HECTD4: variants seen among roughly 807,000 people sequenced by gnomAD.
The protein encoded by HECTD4 is HECT domain E3 ubiquitin protein ligase 4.
Under a neutral mutation model 471.5 loss-of-function variants are expected in HECTD4, and 114 were observed. The observed-to-expected ratio is 0.24, with a 90% CI of 0.21 to 0.28. The LOEUF (loss-of-function observed/expected upper bound fraction) is 0.28. Ranked by LOEUF, HECTD4 falls within the 10% of genes least tolerant of loss-of-function variation. HECTD4 has a pLI of 1.00. For missense variants in HECTD4, 3,866 were observed against 5,651.5 expected (o/e 0.68, Z 10.13); for synonymous variants, 2,012 against 2,256.0 (o/e 0.89, Z 3.07).
intron 1 of HECTD4, among the ~76,000 whole-genome samples, chr12:112,339,973 C>T (rs994017870): frequency 2.0e-5 from 3 of 151,386 alleles, no homozygotes; most frequent in African/African-American, 7.3e-5. Context: ...CGTTTGAACC[C>T]GGGAGGCAAT....
chr12:112,176,878 C>A (rs2031469499), intron 64 of HECTD4, among the ~76,000 whole-genome samples, 176 bp from the exon 65 acceptor site: 1 of 152,164 alleles, frequency 6.6e-6, no homozygotes, highest in African/African-American at 2.4e-5. Context: ...GTTCACTGAG[C>A]AAATTACAAG....
In HECTD4 at chr12:112,167,386, G is replaced by A. The variant is rs1190940373; in HGVS notation, c.12465C>T (p.Pro4155=). The A allele has an allele frequency of 6.2e-7, 1 of 1,613,752 alleles. No individual in the cohort carries two copies. The highest frequency in any genetic ancestry group is 8.5e-7 in the Non-Finnish European group (1 of 1,179,874). The change falls in exon 72 of 76, where the codon CCC becomes CCT. Residue 4155 remains proline (P), a synonymous_variant. Coordinates refer to ENST00000682272, the MANE Select transcript of HECTD4 (RefSeq NM_001388303.1). ...CCTGCAGGTCTTGCTCAGGGTCCAA[G>A]GGCTCGCCCACCAGCGTCTTCCAGA... ...PSFWKTLVGE[P]LDPEQDLQEA...
chr12:112,275,675 T>A (rs540026358), intron 9 of HECTD4, among the ~76,000 whole-genome samples: 75 of 152,236 alleles, frequency 4.9e-4, no homozygotes, highest in Non-Finnish European at 9.4e-4. Context: ...TTCTTCCCCA[T>A]TTTCAAACAA....
In HECTD4 at chr12:112,243,749, C is replaced by T; in HGVS notation, c.4662G>A (p.Val1554=). ...TAAAGGAGCTGCTGCGGTGGCTGGT[C>T]ACGTGGCGACGCCTACGGGGAACAC... ...FTRANQRRRH[V]TSHRSSSFTL... The change falls in exon 31 of 76, where the codon GTG becomes GTA. Residue 1554 remains valine (V), a synonymous_variant. Transcript: ENST00000682272. The surrounding 1 kb of genome is among the most constrained non-coding windows in gnomAD (Gnocchi z 6.6). 6.2e-7 allele frequency: 1 copy of T among 1,613,468 alleles called. No individual in the cohort carries two copies. Among genetic ancestry groups the T allele is most frequent in the South Asian group, 1.1e-5 (1 of 90,994 alleles).
intron 1 of HECTD4, among the ~76,000 whole-genome samples, chr12:112,364,420 AAAAT>A (rs2036520204): frequency 1.3e-5 from 2 of 151,030 alleles, no homozygotes; most frequent in Admixed American, 1.3e-4. Context: ...AAAAAAAAAA[AAAAT>A]AAATAAATAA....
intron 1 of HECTD4, among the ~76,000 whole-genome samples, chr12:112,324,037 C>CTTTCTTTCTTT (rs1566112043): frequency 2.5e-4 from 5 of 20,112 alleles, no homozygotes; most frequent in Admixed American, 5.7e-4. Flanking sequence ...TTCCTTCCTT[C>CTTTCTTTCTTT]CTTCCTTCCT....
Position 112,193,206 on chromosome 12 carries a change from T to C in HECTD4, c.8956-15A>G. ...TCTGGTGCTGTCTGCAAAGAGACAC[T>C]GAATAAGGAAAGCCACGGGCTAAAC... On this transcript the variant is annotated splice_polypyrimidine_tract_variant and intron_variant, in intron 57 of 75. Transcript: ENST00000682272. This position sits in a 1 kb window ranked among gnomAD's most constrained non-coding sequence, Gnocchi z 5.2. 6.2e-7 allele frequency: 1 copy of C among 1,613,050 alleles called. No homozygotes were observed. The highest frequency in any genetic ancestry group is 8.5e-7 in the Non-Finnish European group (1 of 1,179,484).
Position 112,239,862 on chromosome 12 carries a change from A to G in HECTD4, c.5105+19T>C. The G allele has an allele frequency of 2.5e-6, 4 of 1,600,724 alleles. No individual in the cohort carries two copies. The highest frequency in any genetic ancestry group is 3.4e-6 in the Non-Finnish European group (4 of 1,171,458). ...CTGCAGGGTAACTTACATACAACAA[A>G]AGGCCTTTCCGTACTTACCTGGTGT... On this transcript the variant is annotated intron_variant, in intron 33 of 75. Coordinates refer to ENST00000682272, the MANE Select transcript of HECTD4 (RefSeq NM_001388303.1). The surrounding 1 kb of genome is among the most constrained non-coding windows in gnomAD (Gnocchi z 4.9).
At chr12:112,295,670 C>T (rs759278493) in intron 7 of HECTD4, among the ~76,000 whole-genome samples, 7 of 149,022 alleles carry the variant, frequency 4.7e-5, no homozygotes, top group Non-Finnish European at 7.4e-5. Context: ...CAGGGTCTGT[C>T]TCACTCCGCT....
intron 9 of HECTD4, among the ~76,000 whole-genome samples, chr12:112,276,047 G>A (rs778529135): frequency 9.2e-5 from 14 of 152,158 alleles, no homozygotes; most frequent in Admixed American, 7.2e-4. Flanking sequence ...TTCCAGCAGG[G>A]ATGCAGCATT....
intron 69 of HECTD4, 37 bp downstream of exon 69, chr12:112,170,296 C>T (rs767802788): frequency 2.5e-6 from 4 of 1,609,728 alleles, no homozygotes; most frequent in African/African-American, 1.3e-5. Context: ...TTAGGCACTG[C>T]CATTTTGCAT....
At chr12:112,247,154 G>T in intron 28 of HECTD4, 78 bp from the exon 29 acceptor site, 1 of 1,198,966 alleles carries the variant, frequency 8.3e-7, no homozygotes, top group Non-Finnish European at 1.2e-6. Flanking sequence ...TGTTTACAAA[G>T]AATAAGAGAA....
chr12:112,326,491 TCAAAAA>T (rs560709837), intron 1 of HECTD4, among the ~76,000 whole-genome samples: 82 of 152,186 alleles, frequency 5.4e-4, no homozygotes, highest in Middle Eastern at 6.8e-3. Context: ...AGACCCTGTC[TCAAAAA>T]CAAAAACAAA....
intron 62 of HECTD4, among the ~76,000 whole-genome samples, chr12:112,180,761 A>G (rs1351939239): frequency 1.3e-5 from 2 of 152,144 alleles, no homozygotes; most frequent in African/African-American, 4.8e-5. Context: ...AGCAGACCTG[A>G]CATCGACTTT....
At position 112,239,738 on chromosome 12, in the gene HECTD4, G is replaced by T. The variant is rs765747917; in HGVS notation, c.5105+143C>A. On this transcript the variant is annotated intron_variant, in intron 33 of 75. Transcript: ENST00000682272. This position sits in a 1 kb window ranked among gnomAD's most constrained non-coding sequence, Gnocchi z 4.9. ...TAAGAAATTTACATAGGAACCTTAA[G>T]TGTCTTTCAGGAGAAAAGTTTTGTA... The T allele has an allele frequency of 3.2e-6, 2 of 618,990 alleles. No homozygotes were observed. Among genetic ancestry groups the T allele is most frequent in the Non-Finnish European group, 5.2e-6 (2 of 385,214 alleles). The allele number at this position is 618,990 out of a possible 1,614,324, so 38.3% of individuals were successfully genotyped here.
chr12:112,355,525 C>T (rs2036320526), intron 1 of HECTD4, among the ~76,000 whole-genome samples: 1 of 151,412 alleles, frequency 6.6e-6, no homozygotes, highest in East Asian at 2.0e-4. Context: ...TTTGGGAGGC[C>T]GAAGTGGACA....
chr12:112,253,166 C>T (rs894321940), intron 22 of HECTD4, among the ~76,000 whole-genome samples: 1 of 151,406 alleles, frequency 6.6e-6, no homozygotes, highest in African/African-American at 2.4e-5. Flanking sequence ...GTTCTGTCAC[C>T]CAGACTGCAG....
At chr12:112,249,311 A>G (rs73423235) in intron 25 of HECTD4, among the ~76,000 whole-genome samples, 36,256 of 150,994 alleles carry the variant, frequency 0.24, 7,335 homozygotes, top group East Asian at 0.85. Context: ...CCAAGATCAC[A>G]TCACTGCACT....
chr12:112,337,160 G>T (rs1566116588), intron 1 of HECTD4, among the ~76,000 whole-genome samples: 1 of 152,276 alleles, frequency 6.6e-6, no homozygotes, highest in East Asian at 1.9e-4. Context: ...AGTTTCCTCA[G>T]AAGTAAATAT....
Sources: allele counts gnomAD v4.1 joint callset (sites outside exome capture counted in the v4.1 genomes callset), GRCh38; gene constraint gnomAD v4.1.1; non-coding constraint Gnocchi (gnomAD v3.1); transcripts MANE v1.5; gene names NCBI Gene and HGNC (gene_info 2026-07-23, HGNC 2026-07-21).